ZDHHC15: variants seen among roughly 807,000 people sequenced by gnomAD.
ZDHHC15 encodes palmitoyltransferase ZDHHC15.
ZDHHC15 carries 19 observed loss-of-function variants against 31.7 expected under a neutral mutation model. The observed-to-expected ratio is 0.60, with a 90% CI of 0.42 to 0.88. The LOEUF is 0.88. Ranked by LOEUF, ZDHHC15 falls within the 40% of genes least tolerant of loss-of-function variation. The probability of loss-of-function intolerance (pLI) is 0.00; values close to 1 mark genes in which losing one functional copy is unlikely to be tolerated. For synonymous variants in ZDHHC15, 103 were observed against 90.0 expected, an observed-to-expected ratio of 1.14 and a Z score of -0.82; for missense variants, 209 against 251.2, an observed-to-expected ratio of 0.83 and a Z score of 1.14.
intron 3 of ZDHHC15, among the ~76,000 whole-genome samples, chrX:75,478,495 G>A (rs2084639837): frequency 9.0e-6 from 1 of 111,297 alleles, no homozygotes; most frequent in Admixed American, 9.6e-5. Flanking sequence ...TAATCCTCCT[G>A]CCTCTGCCTC....
At chrX:75,497,048 G>A (rs1487007035) in intron 2 of ZDHHC15, among the ~76,000 whole-genome samples, 2 of 111,295 alleles carry the variant, frequency 1.8e-5, no homozygotes, top group African/African-American at 6.5e-5. Flanking sequence ...AAAACAAAAA[G>A]CTAGATATTT....
At chrX:75,406,732 C>T (rs972507705) in intron 10 of ZDHHC15, among the ~76,000 whole-genome samples, 1 of 106,649 alleles carries the variant, frequency 9.4e-6, no homozygotes, top group Non-Finnish European at 1.9e-5. Context: ...AAAAAGATGG[C>T]GTCACTGCTG....
At chrX:75,385,400 A>G (rs1457359156) in intron 10 of ZDHHC15, among the ~76,000 whole-genome samples, 1 of 111,351 alleles carries the variant, frequency 9.0e-6, no homozygotes, top group Admixed American at 9.5e-5. Context: ...CCTTCACATC[A>G]TGCCCCAGCT....
chrX:75,398,406 G>A (rs1283466568), intron 10 of ZDHHC15, among the ~76,000 whole-genome samples: 10 of 112,064 alleles, frequency 8.9e-5, no homozygotes, highest in East Asian at 5.7e-4. Context: ...CAGGGCCTCC[G>A]GCCACCCCCA....
At chrX:75,448,410 T>C (rs1186218263) in intron 4 of ZDHHC15, among the ~76,000 whole-genome samples, 1 of 112,369 alleles carries the variant, frequency 8.9e-6, no homozygotes, top group Non-Finnish European at 1.9e-5. Flanking sequence ...GTTATTGTTA[T>C]GGGTGTTTCC....
intron 7 of ZDHHC15, 58 bp from the exon 8 acceptor site, chrX:75,424,842 T>C: frequency 1.8e-6 from 2 of 1,100,070 alleles, no homozygotes; most frequent in Non-Finnish European, 2.4e-6. Flanking sequence ...GGCTAGTTTT[T>C]CTAAATATAT....
chrX:75,448,312 A>T (rs999319305), intron 4 of ZDHHC15, among the ~76,000 whole-genome samples: 2 of 112,176 alleles, frequency 1.8e-5, no homozygotes, highest in Non-Finnish European at 3.8e-5. Context: ...GTGCTTGCTA[A>T]AGGCAAAGGG....
chrX:75,472,708 G>C (rs1339243092), intron 3 of ZDHHC15, among the ~76,000 whole-genome samples: 1 of 112,069 alleles, frequency 8.9e-6, no homozygotes, highest in Non-Finnish European at 1.9e-5. Context: ...AGCCACCCCT[G>C]TCATCGCCCA....
chrX:75,445,615 G>C (rs1443060428), intron 4 of ZDHHC15, among the ~76,000 whole-genome samples: 3 of 111,495 alleles, frequency 2.7e-5, no homozygotes, highest in Non-Finnish European at 5.6e-5. Context: ...TGTAGCCACA[G>C]GACTGAGATT....
At chrX:75,398,162 A>C (rs1306416025) in intron 10 of ZDHHC15, among the ~76,000 whole-genome samples, 1 of 112,202 alleles carries the variant, frequency 8.9e-6, no homozygotes, top group Non-Finnish European at 1.9e-5. Context: ...CCAGTCAGCT[A>C]GCAGTAGCAG....
chrX:75,513,885 A>AT (rs2148067020), intron 1 of ZDHHC15, among the ~76,000 whole-genome samples: 1 of 111,282 alleles, frequency 9.0e-6, no homozygotes, highest in African/African-American at 3.3e-5. Context: ...TAACAAAAAA[A>AT]AAACAATAAG....
chrX:75,451,019 C>T (rs2084108606), intron 3 of ZDHHC15, 97 bp from the exon 4 acceptor site: 15 of 1,013,360 alleles, frequency 1.5e-5, no homozygotes, highest in Non-Finnish European at 1.7e-5. Flanking sequence ...TTATTTGTTA[C>T]CTACCCTTGA....
At chrX:75,382,141 C>T (rs749387095) in intron 10 of ZDHHC15, among the ~76,000 whole-genome samples, 1 of 112,339 alleles carries the variant, frequency 8.9e-6, no homozygotes, top group African/African-American at 3.2e-5. Flanking sequence ...GTTAGATTGT[C>T]TTTCCCTGCA....
intron 10 of ZDHHC15, among the ~76,000 whole-genome samples, chrX:75,380,770 C>T (rs757926631): frequency 9.0e-6 from 1 of 111,620 alleles, no homozygotes; most frequent in Non-Finnish European, 1.9e-5. Context: ...CCAACTACAC[C>T]TGCCCTTGCT....
chrX:75,473,690 G>A (rs1056696071), intron 3 of ZDHHC15, among the ~76,000 whole-genome samples: 1 of 111,231 alleles, frequency 9.0e-6, no homozygotes, highest in Non-Finnish European at 1.9e-5. Flanking sequence ...AGTAGAAGGT[G>A]GTCATCAATA....
In ZDHHC15 at chrX:75,440,514, C is replaced by T. The variant is rs185569044; in HGVS notation, c.380-8994G>A. Among the ~76,000 whole-genome samples, 213 of 112,383 alleles carry T rather than the reference C, an allele frequency of 1.9e-3. 1 individual carries two copies. Among genetic ancestry groups the T allele is most frequent in the Admixed American group, 2.9e-3 (31 of 10,651 alleles). ...CAGGATGGTCTCGATCTCCTGACCT[C>T]GTGATCTGCCTGCCCCGGCCTCCCG... On this transcript the variant is annotated intron_variant, in intron 4 of 11. Transcript: ENST00000373367.
At chrX:75,444,685 TATACAC>T (rs2084006805) in intron 4 of ZDHHC15, among the ~76,000 whole-genome samples, 2 of 31,086 alleles carry the variant, frequency 6.4e-5, no homozygotes, top group African/African-American at 2.4e-4. Flanking sequence ...TATATATATA[TATACAC>T]ACACACACAC....
At chrX:75,404,601 C>A (rs2083391199) in intron 10 of ZDHHC15, among the ~76,000 whole-genome samples, 1 of 111,830 alleles carries the variant, frequency 8.9e-6, no homozygotes, top group African/African-American at 3.2e-5. Flanking sequence ...AGAAGACATA[C>A]ATGCAGCAAA....
chrX:75,490,329 G>A (rs942673860), intron 2 of ZDHHC15, among the ~76,000 whole-genome samples: 5 of 111,628 alleles, frequency 4.5e-5, no homozygotes, highest in Middle Eastern at 4.6e-3. Flanking sequence ...TATGTTAAGG[G>A]CAGCAAGAGA....
Sources: allele counts gnomAD v4.1 joint callset (sites outside exome capture counted in the v4.1 genomes callset), GRCh38; gene constraint gnomAD v4.1.1; transcripts MANE v1.5; gene names NCBI Gene and HGNC (gene_info 2026-07-23, HGNC 2026-07-21).